CEACAM5: variants seen among roughly 807,000 people sequenced by gnomAD.
CEACAM5 encodes CEA cell adhesion molecule 5, also known as cell adhesion molecule CEACAM5.
Under a neutral mutation model 63.0 loss-of-function variants are expected in CEACAM5, and 52 were observed. The observed-to-expected ratio is 0.83, with a 90% CI of 0.66 to 1.04. The LOEUF (loss-of-function observed/expected upper bound fraction) is 1.04, where lower values mean the gene tolerates loss of function less well. Among genes scored for constraint, CEACAM5 ranks in the 50% least tolerant of loss-of-function variants. The probability of loss-of-function intolerance (pLI) is 0.00; values close to 1 mark genes in which losing one functional copy is unlikely to be tolerated. For missense variants in CEACAM5, 790 were observed against 864.8 expected (o/e 0.91, Z 1.08); for synonymous variants, 357 against 351.3 (o/e 1.02, Z -0.18).
At chr19:41,722,977 G>A (rs895801081) in intron 8 of CEACAM5, among the ~76,000 whole-genome samples, 16 of 151,980 alleles carry the variant, frequency 1.1e-4, no homozygotes, top group African/African-American at 3.9e-4. Flanking sequence ...GCGCGATCTC[G>A]GCTCACTGCA....
chr19:41,717,156 G>C (rs1457642574), intron 4 of CEACAM5, among the ~76,000 whole-genome samples: 3 of 152,368 alleles, frequency 2.0e-5, no homozygotes, highest in Admixed American at 6.5e-5. Flanking sequence ...CAGCCAGTCA[G>C]GAAAGGACCA....
intron 3 of CEACAM5, 50 bp downstream of exon 3, chr19:41,715,299 G>A: frequency 6.2e-7 from 1 of 1,612,128 alleles, no homozygotes; most frequent in Non-Finnish European, 8.5e-7. Flanking sequence ...CAAATCCACA[G>A]GGCCAGAGGC....
At chr19:41,715,332 G>T (rs782283892) in intron 3 of CEACAM5, 83 bp downstream of exon 3, 23 of 1,575,158 alleles carry the variant, frequency 1.5e-5, no homozygotes, top group Non-Finnish European at 1.9e-5. Flanking sequence ...TCCCTCTCAG[G>T]TTCAAGTACA....
rs567471476 is a variant in CEACAM5, at chr19:41,728,642, C to T, written c.*37-542C>T. Among the ~76,000 whole-genome samples, 13 of 152,196 alleles carry T rather than the reference C, an allele frequency of 8.5e-5. No homozygotes were observed. The South Asian group carries it at 1.2e-3, about 15-fold the overall frequency. The stretch of plus-strand genomic sequence containing the variant: ...TCTACTAAAAATACAAAAAAATCAG[C>T]TGGGCATGGTGGCACGTGCCTGTAA... On this transcript the variant is annotated intron_variant, in intron 9 of 9. Transcript: ENST00000221992.
intron 8 of CEACAM5, among the ~76,000 whole-genome samples, chr19:41,724,614 C>T (rs2122837482): frequency 6.6e-6 from 1 of 152,278 alleles, no homozygotes; most frequent in South Asian, 2.1e-4. Context: ...AATGTCTTTC[C>T]ATCTATTGAT....
chr19:41,716,713 G>C (rs963536739), intron 4 of CEACAM5, among the ~76,000 whole-genome samples: 2 of 152,324 alleles, frequency 1.3e-5, no homozygotes, highest in African/African-American at 4.8e-5. Flanking sequence ...GGGAATGGCA[G>C]TGTCAAAAAT....
chr19:41,715,865 G>T lies in CEACAM5; in HGVS notation c.919G>T (p.Gly307Cys), dbSNP rs370386394. 3 of 1,614,000 alleles carry T rather than the reference G, an allele frequency of 1.9e-6. No homozygotes were observed. Among genetic ancestry groups the T allele is most frequent in the Non-Finnish European group, 2.5e-6 (3 of 1,180,028 alleles). The change falls in exon 4 of 10, where the codon GGC becomes TGC. Residue 307 changes from glycine to cysteine, a missense_variant. Physicochemically the swap from Gly to Cys is radical, Grantham distance 159. Coordinates refer to ENST00000221992, the MANE Select transcript of CEACAM5 (RefSeq NM_004363.6). ...GTGCCAAGCCCATAACTCAGACACT[G>T]GCCTCAATAGGACCACAGTCACGAC... ...YTCQAHNSDT[G>C]LNRTTVTTIT...
chr19:41,719,285 A>T (rs529215621), intron 6 of CEACAM5, among the ~76,000 whole-genome samples: 1 of 152,228 alleles, frequency 6.6e-6, no homozygotes, highest in Non-Finnish European at 1.5e-5. Context: ...CTATGTATGC[A>T]GTTTAGTAGC....
At chr19:41,720,273 G>C in intron 7 of CEACAM5, 65 bp downstream of exon 7, 1 of 1,554,984 alleles carries the variant, frequency 6.4e-7, no homozygotes, top group Admixed American at 1.7e-5. Context: ...CAGAGGCCAG[G>C]ACTCTCAGTT....
intron 2 of CEACAM5, among the ~76,000 whole-genome samples, chr19:41,713,638 C>T (rs1382215717): frequency 1.3e-5 from 2 of 152,212 alleles, no homozygotes; most frequent in Non-Finnish European, 2.9e-5. Flanking sequence ...ACAAGTGTGA[C>T]TACTCTAGGG....
chr19:41,728,803 A>AAAAAAAAAAAAAAG (rs1230457032), intron 9 of CEACAM5, among the ~76,000 whole-genome samples: 6 of 151,386 alleles, frequency 4.0e-5, no homozygotes, highest in African/African-American at 1.5e-4. Context: ...AAAAAAAAAA[A>AAAAAAAAAAAAAAG]AAGAATTGCC....
rs782016288 is a variant in CEACAM5 at position 41,717,722 on chromosome 19, T to G, written c.1226T>G (p.Leu409Arg). The change falls in exon 5 of 10, where the codon CTG becomes CGG. Residue 409 changes from leucine (L) to arginine (R), a missense_variant. Transcript: ENST00000221992. ...GTTGACCACAGCGACCCAGTCATCC[T>G]GAATGTCCTCTGTGAGTATCTTCTG... ...LSVDHSDPVI[L>R]NVLYGPDDPT... 8.7e-6 allele frequency: 14 copies of G among 1,613,938 alleles called. No homozygotes were observed. The highest frequency in any genetic ancestry group is 1.2e-5 in the Non-Finnish European group (14 of 1,179,834).
Position 41,709,750 on chromosome 19 carries a change from C to T in CEACAM5, c.135C>T (p.Val45=), listed in dbSNP as rs781884333. The T allele has an allele frequency of 6.8e-6, 11 of 1,614,028 alleles. No individual in the cohort carries two copies. The East Asian group carries it at 1.3e-4, about 20-fold the overall frequency. ...CTATTGAATCCACGCCGTTCAATGTCGCAGAGGGGAAGGAGGTGCTTCTAC... is the reference window on the plus strand; with the variant it reads ...CTATTGAATCCACGCCGTTCAATGTTGCAGAGGGGAAGGAGGTGCTTCTAC... ...KLTIESTPFN[V]AEGKEVLLLV... Residue 45 remains valine (V), a synonymous_variant, in exon 2 of 10, where the codon GTC becomes GTT. Coordinates refer to ENST00000221992, the MANE Select transcript of CEACAM5 (RefSeq NM_004363.6).
In CEACAM5 at chr19:41,709,747, T is replaced by A. The variant is rs1555813653; in HGVS notation, c.132T>A (p.Asn44Lys). 1.9e-6 allele frequency: 3 copies of A among 1,614,024 alleles called. No homozygotes were observed. Among genetic ancestry groups the A allele is most frequent in the Non-Finnish European group, 2.5e-6 (3 of 1,180,006 alleles). Residue 44 changes from asparagine to lysine, a missense_variant, in exon 2 of 10, where the codon AAT becomes AAA. By Grantham distance (94) the Asn-to-Lys change is moderately conservative. Coordinates refer to ENST00000221992, the MANE Select transcript of CEACAM5 (RefSeq NM_004363.6). ...AKLTIESTPF[N>K]VAEGKEVLLL... is the part of the protein sequence containing the mutation. Reference sequence around the variant, plus strand: ...TCACTATTGAATCCACGCCGTTCAATGTCGCAGAGGGGAAGGAGGTGCTTC... The same window carrying A: ...TCACTATTGAATCCACGCCGTTCAAAGTCGCAGAGGGGAAGGAGGTGCTTC...
In CEACAM5 at chr19:41,718,183, G is replaced by A. The variant is rs1555815397; in HGVS notation, c.1293G>A (p.Val431=). The change falls in exon 6 of 10, where the codon GTG becomes GTA. Residue 431 remains valine, a synonymous_variant. Coordinates refer to ENST00000221992, the MANE Select transcript of CEACAM5 (RefSeq NM_004363.6). ...SPSYTYYRPG[V]NLSLSCHAAS... is the part of the protein sequence containing the mutation. ...CATACACCTATTACCGTCCAGGGGT[G>A]AACCTCAGCCTCTCCTGCCATGCAG... is the stretch of plus-strand genomic sequence containing the variant. 1.9e-6 allele frequency: 3 copies of A among 1,614,164 alleles called. No homozygotes were observed. Among genetic ancestry groups the A allele is most frequent in the South Asian group, 2.2e-5 (2 of 91,064 alleles).
Position 41,717,534 on chromosome 19 carries a change from A to T in CEACAM5, c.1038A>T (p.Glu346Asp), listed in dbSNP as rs2072546124. The T allele has an allele frequency of 1.2e-6, 2 of 1,614,214 alleles. No individual in the cohort carries two copies. Among genetic ancestry groups the T allele is most frequent in the Non-Finnish European group, 1.7e-6 (2 of 1,180,038 alleles). Reference protein sequence around the residue: ...EDEDAVALTCEPEIQNTTYLW... With the variant: ...EDEDAVALTCDPEIQNTTYLW... ...AGGATGCTGTAGCCTTAACCTGTGA[A>T]CCTGAGATTCAGAACACAACCTACC... The change falls in exon 5 of 10, where the codon GAA (glutamate) becomes GAT (aspartate). Residue 346 changes from glutamate (E) to aspartate (D), a missense_variant. By Grantham distance (45) the Glu-to-Asp change is conservative. Transcript: ENST00000221992.
At chr19:41,720,863 T>A in intron 7 of CEACAM5, 59 bp from the exon 8 acceptor site, 1 of 1,594,686 alleles carries the variant, frequency 6.3e-7, no homozygotes, top group Non-Finnish European at 8.6e-7. Context: ...CCTTCTACAA[T>A]CAGGAGCTTC....
chr19:41,716,110 C>T (rs1408575937), intron 4 of CEACAM5, among the ~76,000 whole-genome samples: 1 of 152,186 alleles, frequency 6.6e-6, no homozygotes, highest in Admixed American at 6.5e-5. Context: ...CCAGGTCCAG[C>T]TTGGAATGTG....
In CEACAM5 at chr19:41,709,737, C is replaced by T. The variant is rs111403501; in HGVS notation, c.122C>T (p.Thr41Met). 240 of 1,614,120 alleles carry T rather than the reference C, an allele frequency of 1.5e-4. 1 individual carries two copies. In the Middle Eastern group the frequency reaches 1.8e-3, roughly 12 times the overall value. ...ACTGCCAAGCTCACTATTGAATCCACGCCGTTCAATGTCGCAGAGGGGAAG... is the reference window on the plus strand; with the variant it reads ...ACTGCCAAGCTCACTATTGAATCCATGCCGTTCAATGTCGCAGAGGGGAAG... ...PTTAKLTIES[T>M]PFNVAEGKEV... The change falls in exon 2 of 10, where the codon ACG becomes ATG. Residue 41 changes from threonine to methionine, a missense_variant. Coordinates refer to ENST00000221992, the MANE Select transcript of CEACAM5 (RefSeq NM_004363.6).
Sources: allele counts gnomAD v4.1 joint callset (sites outside exome capture counted in the v4.1 genomes callset), GRCh38; gene constraint gnomAD v4.1.1; transcripts MANE v1.5; gene names NCBI Gene and HGNC (gene_info 2026-07-23, HGNC 2026-07-21).